The following DPP4 variants were observed in gnomAD, a reference collection of about 807,000 sequenced individuals.
DPP4 encodes dipeptidyl peptidase 4, also known as ADCP-2.
Under a neutral mutation model 122.4 loss-of-function variants are expected in DPP4, and 93 were observed. The ratio of observed to expected loss-of-function variants is 0.76; its 90% CI spans 0.64 to 0.90. DPP4 has a LOEUF of 0.90. Among genes scored for constraint, DPP4 ranks in the 40% least tolerant of loss-of-function variants. The pLI is 0.00. For synonymous variants in DPP4, 321 were observed against 302.9 expected (o/e 1.06, Z -0.62); for missense variants, 914 against 907.3 (o/e 1.01, Z -0.09).
chr2:162,023,108 CTAGT>C (rs1683194908), intron 11 of DPP4, among the ~76,000 whole-genome samples: 1 of 152,176 alleles, frequency 6.6e-6, no homozygotes, highest in Non-Finnish European at 1.5e-5. Context: ...CATTCTTCTT[CTAGT>C]TAGTGGCACC....
At chr2:162,056,264 GATTTT>G (rs1389877789) in intron 2 of DPP4, among the ~76,000 whole-genome samples, 1 of 152,170 alleles carries the variant, frequency 6.6e-6, no homozygotes, top group Non-Finnish European at 1.5e-5. Context: ...TGAGGGCACT[GATTTT>G]ATTTTGTTTC....
At chr2:162,003,111 C>T (rs1282510805) in intron 23 of DPP4, among the ~76,000 whole-genome samples, 2 of 152,152 alleles carry the variant, frequency 1.3e-5, no homozygotes, top group Non-Finnish European at 2.9e-5. Context: ...CAAGAAAACC[C>T]GACTCCTGGC....
At chr2:162,055,262 G>T (rs1270766078) in intron 2 of DPP4, among the ~76,000 whole-genome samples, 1 of 152,198 alleles carries the variant, frequency 6.6e-6, no homozygotes, top group Admixed American at 6.5e-5. Flanking sequence ...CATATTGGAA[G>T]TCAGCAGTTT....
intron 10 of DPP4, 33 bp from the exon 11 acceptor site, chr2:162,024,972 A>G: frequency 1.9e-6 from 3 of 1,607,572 alleles, no homozygotes; most frequent in Non-Finnish European, 2.5e-6. Context: ...GGACAGAGAG[A>G]GAGAATGAAC....
At chr2:162,045,804 C>A (rs1226812954) in intron 4 of DPP4, among the ~76,000 whole-genome samples, 192 bp from the exon 5 acceptor site, 1 of 152,106 alleles carries the variant, frequency 6.6e-6, no homozygotes, top group African/African-American at 2.4e-5. Flanking sequence ...GTTAGAAAGC[C>A]AGAAAGGGAA....
intron 2 of DPP4, among the ~76,000 whole-genome samples, chr2:162,056,241 G>A (rs1390030515): frequency 6.6e-6 from 1 of 152,064 alleles, no homozygotes; most frequent in Non-Finnish European, 1.5e-5. Flanking sequence ...CCCTTAATTG[G>A]ATGTAAGCTC....
intron 2 of DPP4, among the ~76,000 whole-genome samples, chr2:162,069,727 T>C (rs1214583427): frequency 6.6e-6 from 1 of 152,198 alleles, no homozygotes; most frequent in Non-Finnish European, 1.5e-5. Context: ...TTTCTGTGCT[T>C]TAAACCTGGA....
At chr2:162,009,709 A>C (rs911927992) in intron 20 of DPP4, among the ~76,000 whole-genome samples, 3 of 152,178 alleles carry the variant, frequency 2.0e-5, no homozygotes, top group Admixed American at 6.5e-5. Context: ...AGATAAGGGC[A>C]TGAAAAACTT....
intron 5 of DPP4, among the ~76,000 whole-genome samples, chr2:162,044,307 A>C (rs1684098125): frequency 1.3e-5 from 2 of 152,166 alleles, no homozygotes; most frequent in African/African-American, 4.8e-5. Flanking sequence ...AGCCCAGCAA[A>C]TCCAGGGTAA....
Position 162,047,562 on chromosome 2 carries a change from T to C in DPP4, c.95-61A>G, listed in dbSNP as rs1684233343. 4 of 1,196,286 alleles carry C rather than the reference T, an allele frequency of 3.3e-6. No individual in the cohort carries two copies. In the South Asian group the frequency reaches 6.0e-5, roughly 18 times the overall value. 74.1% of individuals were successfully genotyped at this position (1,196,286 alleles called of 1,614,324 possible). A position where few individuals can be genotyped will look rare whatever the true frequency, so the allele number is the denominator to read the frequency against. On this transcript the variant is annotated intron_variant, in intron 2 of 25. Transcript: ENST00000360534. ...AAGATGGAATAACCTAAGTTTTGGA[T>C]AAAATAAACAAATGGATCTCTACAA...
chr2:162,033,827 C>A (rs1388996360), intron 9 of DPP4, among the ~76,000 whole-genome samples, 174 bp from the exon 10 acceptor site: 1 of 137,414 alleles, frequency 7.3e-6, no homozygotes, highest in Non-Finnish European at 1.5e-5. Flanking sequence ...TCATGAAATG[C>A]AACCTTTTCA....
At chr2:162,069,080 A>T (rs926264583) in intron 2 of DPP4, among the ~76,000 whole-genome samples, 1 of 152,198 alleles carries the variant, frequency 6.6e-6, no homozygotes, top group African/African-American at 2.4e-5. Flanking sequence ...AAACTATGAG[A>T]TAATAAATAT....
chr2:162,043,922 G>T (rs963810706), intron 5 of DPP4, among the ~76,000 whole-genome samples: 1 of 152,154 alleles, frequency 6.6e-6, no homozygotes, highest in Non-Finnish European at 1.5e-5. Context: ...CAGCTACTCA[G>T]GAGGCTGAGG....
chr2:162,072,642 G>T (rs541140093), intron 2 of DPP4, among the ~76,000 whole-genome samples: 7 of 152,316 alleles, frequency 4.6e-5, no homozygotes, highest in African/African-American at 1.7e-4. Context: ...AGGAAAGTAA[G>T]GCCAGGGGAG....
chr2:162,073,137 C>G (rs1685175671), intron 2 of DPP4: 2 of 342,860 alleles, frequency 5.8e-6, no homozygotes, highest in South Asian at 2.4e-4. Context: ...AATCCCGACT[C>G]TCCCTAATTT....
chr2:162,071,622 A>G (rs1207005919), intron 2 of DPP4, among the ~76,000 whole-genome samples: 1 of 152,224 alleles, frequency 6.6e-6, no homozygotes, highest in Non-Finnish European at 1.5e-5. Context: ...CAGTCTGCTC[A>G]AGCACCTCTA....
chr2:162,053,195 A>C (rs1308084133), intron 2 of DPP4, among the ~76,000 whole-genome samples: 4 of 152,204 alleles, frequency 2.6e-5, no homozygotes, highest in Non-Finnish European at 5.9e-5. Flanking sequence ...AGCAATGTTT[A>C]AGTTTAATAA....
At position 162,033,850 on chromosome 2, in the gene DPP4, A is replaced by G. The variant is rs531527862; in HGVS notation, c.775-197T>C. Among the ~76,000 whole-genome samples, 29 of 120,614 alleles carry G rather than the reference A, an allele frequency of 2.4e-4. 1 individual carries two copies. The highest frequency in any genetic ancestry group is 8.6e-4 in the African/African-American group (27 of 31,558). 79.1% of individuals were successfully genotyped at this position (120,614 alleles called of 152,430 possible). ...TGCAACCTTTTCATGGTCAGGCAGA[A>G]ACAGAATATGTGTATATATATATAT... On this transcript the variant is annotated intron_variant, in intron 9 of 25. Transcript: ENST00000360534.
At chr2:162,005,170 C>T (rs542110532) in intron 23 of DPP4, among the ~76,000 whole-genome samples, 1 of 152,268 alleles carries the variant, frequency 6.6e-6, no homozygotes, top group Non-Finnish European at 1.5e-5. Context: ...TGCTATAGCC[C>T]ATCTGCAGAG....
Sources: allele counts gnomAD v4.1 joint callset (sites outside exome capture counted in the v4.1 genomes callset), GRCh38; gene constraint gnomAD v4.1.1; transcripts MANE v1.5; gene names NCBI Gene and HGNC (gene_info 2026-07-23, HGNC 2026-07-21).